The following ATP7B variants were observed in gnomAD, a reference collection of about 807,000 sequenced individuals.
The protein encoded by ATP7B is ATPase copper transporting beta.
A neutral mutation model predicts 118.9 loss-of-function variants in ATP7B; 113 were observed. The observed-to-expected ratio is 0.95, with a 90% CI of 0.82 to 1.11. ATP7B has a LOEUF of 1.11. ATP7B is among the 50% of genes most tolerant of loss of function. The pLI is 0.00. For synonymous variants in ATP7B, 777 were observed against 727.4 expected (o/e 1.07, Z -1.10); for missense variants, 1,867 against 1,871.4 (o/e 1.00, Z 0.04).
intron 1 of ATP7B, among the ~76,000 whole-genome samples, chr13:51,997,393 G>C (rs1953261896): frequency 6.6e-6 from 1 of 152,108 alleles, no homozygotes; most frequent in Non-Finnish European, 1.5e-5. Context: ...TGCTTCTTCT[G>C]TGCTGTGCCT....
At chr13:51,965,092 C>A (rs1050197422) in intron 4 of ATP7B, 59 bp from the exon 5 acceptor site, 38 of 1,606,902 alleles carry the variant, frequency 2.4e-5, no homozygotes, top group Non-Finnish European at 3.1e-5. Context: ...CCTGTGAAAG[C>A]CAGTCCAGGG....
At chr13:52,010,963 CT>C (rs2140755064) in intron 1 of ATP7B, among the ~76,000 whole-genome samples, 1 of 152,358 alleles carries the variant, frequency 6.6e-6, no homozygotes, top group South Asian at 2.1e-4. Flanking sequence ...TGAGTAACTT[CT>C]CCAGGTAACT....
Position 51,966,142 on chromosome 13 carries a change from CAGGT to C in ATP7B, c.1708-1113_1708-1110del, listed in dbSNP as rs1951536523. ...TTTGTTTTTATAACAACAACAATAA[CAGGT>C]AGCATTTACTTTGCACTTGCAACAT... On this transcript the variant is annotated intron_variant, in intron 4 of 20. Transcript: ENST00000242839. 2.6e-5 allele frequency among the ~76,000 whole-genome samples: 4 copies of C among 152,374 alleles called. No individual in the cohort carries two copies. The South Asian group carries it at 8.3e-4, about 32-fold the overall frequency.
At chr13:51,952,394 C>G (rs1206217741) in intron 9 of ATP7B, among the ~76,000 whole-genome samples, 1 of 152,236 alleles carries the variant, frequency 6.6e-6, no homozygotes, top group Non-Finnish European at 1.5e-5. Context: ...TTATTTTACA[C>G]CTTGCTTTCA....
At chr13:51,970,778 AT>A (rs1005439873) in intron 2 of ATP7B, 29 bp from the exon 3 acceptor site, 1 of 1,608,898 alleles carries the variant, frequency 6.2e-7, no homozygotes, top group African/African-American at 1.3e-5. Flanking sequence ...AAATATTCAA[AT>A]TAGAAGAGCA....
chr13:51,968,364 TTAC>T (rs1436087408), intron 4 of ATP7B, 77 bp downstream of exon 4: 12 of 1,599,774 alleles, frequency 7.5e-6, no homozygotes, highest in Non-Finnish European at 1.0e-5. Flanking sequence ...ATGGGGAAAT[TTAC>T]TAATCACAAA....
chr13:51,995,007 G>C (rs960192252), intron 1 of ATP7B, among the ~76,000 whole-genome samples: 1 of 152,224 alleles, frequency 6.6e-6, no homozygotes, highest in Middle Eastern at 3.4e-3. Context: ...ACAAAATAAG[G>C]TATACACTAT....
intron 4 of ATP7B, among the ~76,000 whole-genome samples, chr13:51,965,292 G>A (rs1014750557): frequency 2.0e-5 from 3 of 152,144 alleles, no homozygotes; most frequent in African/African-American, 7.2e-5. Flanking sequence ...ACAGACCAAG[G>A]CTTGACTTCC....
At chr13:51,991,413 G>A (rs1952903213) in intron 1 of ATP7B, among the ~76,000 whole-genome samples, 1 of 152,000 alleles carries the variant, frequency 6.6e-6, no homozygotes, top group Non-Finnish European at 1.5e-5. Flanking sequence ...AGGATCCCTT[G>A]AGCTCGGGAG....
At chr13:51,939,834 G>T (rs926041456) in intron 16 of ATP7B, among the ~76,000 whole-genome samples, 14 of 152,058 alleles carry the variant, frequency 9.2e-5, no homozygotes, top group African/African-American at 2.9e-4. Flanking sequence ...GAATGTGAGA[G>T]AAAGACATAT....
chr13:51,935,146 A>C, intron 20 of ATP7B, 117 bp from the exon 21 acceptor site: 6 of 1,372,896 alleles, frequency 4.4e-6, no homozygotes, highest in Non-Finnish European at 2.0e-6. Flanking sequence ...TCAAAACCTC[A>C]AGAGTTTCCA....
chr13:51,978,583 T>C (rs1952241253), intron 1 of ATP7B, among the ~76,000 whole-genome samples: 1 of 152,192 alleles, frequency 6.6e-6, no homozygotes, highest in African/African-American at 2.4e-5. Context: ...CTGAGAAAGA[T>C]TAGAAACATC....
chr13:51,948,503 CATTACCAAAT>C (rs1277566292), intron 12 of ATP7B, among the ~76,000 whole-genome samples: 1 of 152,162 alleles, frequency 6.6e-6, no homozygotes, highest in African/African-American at 2.4e-5. Flanking sequence ...CTCATTGTGC[CATTACCAAAT>C]ACTGTTCTAA....
rs755709270 is a variant in ATP7B, at chr13:51,950,314, CT to C, written c.2532del (p.Val845SerfsTer28). On this transcript the variant is annotated frameshift_variant, in exon 10 of 21. Transcript: ENST00000242839. LOFTEE classifies it high-confidence loss of function. Reference sequence around the variant, plus strand: ...TCAGCCATGGTATTGCCTTCCAGGACTTTCCCATCCACTGGAAACTTTCCCC... The same window carrying C: ...TCAGCCATGGTATTGCCTTCCAGGACTTCCCATCCACTGGAAACTTTCCCC... The part of the protein sequence containing the change: ...VPGGKFPVDG[K>X]VLEGNTMADE... 1.5e-5 allele frequency: 25 copies of C among 1,614,074 alleles called. No homozygotes were observed. Among genetic ancestry groups the C allele is most frequent in the Middle Eastern group, 1.6e-4 (1 of 6,084 alleles).
At chr13:51,954,940 AG>A (rs1276103431) in intron 9 of ATP7B, among the ~76,000 whole-genome samples, 2 of 152,208 alleles carry the variant, frequency 1.3e-5, no homozygotes, top group African/African-American at 4.8e-5. Context: ...CAGAACCCCA[AG>A]GACCATCCAC....
intron 3 of ATP7B, 79 bp downstream of exon 3, chr13:51,970,413 A>T (rs1951781180): frequency 1.0e-5 from 16 of 1,593,344 alleles, no homozygotes; most frequent in Non-Finnish European, 1.3e-5. Flanking sequence ...TGATAAACAC[A>T]GTTGCTGGGT....
chr13:51,934,606 G>C lies in ATP7B; in HGVS notation c.*150C>G. ...AGCCCAGCTGCACCCAGACAAGGCCGCGTGCTGCAGGGCAGGATGACTGGA... is the reference window on the plus strand; with the variant it reads ...AGCCCAGCTGCACCCAGACAAGGCCCCGTGCTGCAGGGCAGGATGACTGGA... On this transcript the variant is annotated 3_prime_UTR_variant, in exon 21 of 21. Transcript: ENST00000242839. The C allele has an allele frequency of 3.1e-6, 4 of 1,301,728 alleles. No homozygotes were observed. The highest frequency in any genetic ancestry group is 4.3e-6 in the Non-Finnish European group (4 of 938,432). The allele number at this position is 1,301,728 out of a possible 1,614,324, so 80.6% of individuals were successfully genotyped here. A position where few individuals can be genotyped will look rare whatever the true frequency, so the allele number is the denominator to read the frequency against.
intron 4 of ATP7B, chr13:51,966,926 C>T (rs970070254): frequency 6.2e-7 from 1 of 1,613,116 alleles, no homozygotes; most frequent in African/African-American, 1.3e-5. Flanking sequence ...ACTTTGAAAA[C>T]AACACAGTTT....
chr13:51,934,480 C>A lies in ATP7B; in HGVS notation c.*276G>T, dbSNP rs1956843618. The A allele has an allele frequency of 1.9e-6, 1 of 519,722 alleles. No individual in the cohort carries two copies. The highest frequency in any genetic ancestry group is 3.2e-5 in the Admixed American group (1 of 31,396). The allele number at this position is 519,722 out of a possible 1,614,324, so 32.2% of individuals were successfully genotyped here. A position where few individuals can be genotyped will look rare whatever the true frequency, so the allele number is the denominator to read the frequency against. On this transcript the variant is annotated 3_prime_UTR_variant, in exon 21 of 21. Transcript: ENST00000242839. ...GGTCTGTGAGGAGGGTGACTCGCCT[C>A]TCACCTTCTACAGTCCAGCCAAGGA...
Sources: allele counts gnomAD v4.1 joint callset (sites outside exome capture counted in the v4.1 genomes callset), GRCh38; gene constraint gnomAD v4.1.1; transcripts MANE v1.5; gene names NCBI Gene and HGNC (gene_info 2026-07-23, HGNC 2026-07-21).